The following PNPT1 variants were observed in gnomAD, a reference collection of about 807,000 sequenced individuals.
PNPT1 encodes the protein polyribonucleotide nucleotidyltransferase 1, mitochondrial.
Under a neutral mutation model 119.5 loss-of-function variants are expected in PNPT1, and 53 were observed. The ratio of observed to expected loss-of-function variants is 0.44; its 90% CI spans 0.36 to 0.56. The LOEUF (loss-of-function observed/expected upper bound fraction) is 0.56. Ranked by LOEUF, PNPT1 falls within the 20% of genes least tolerant of loss-of-function variation. PNPT1 has a pLI of 0.00. For synonymous variants in PNPT1, 357 were observed against 322.1 expected (o/e 1.11, Z -1.16); for missense variants, 948 against 938.5 (o/e 1.01, Z -0.13).
chr2:55,636,919 A>T lies in PNPT1; in HGVS notation c.2197-527T>A, dbSNP rs534723892. Among the ~76,000 whole-genome samples, 5 of 152,330 alleles carry T rather than the reference A, an allele frequency of 3.3e-5. No individual in the cohort carries two copies. In the East Asian group the frequency reaches 9.6e-4, roughly 29 times the overall value. Reference sequence around the variant, plus strand: ...ACAAATAAACCAAAAAATCAACCTTATACAGAGATACTATATCTTAGCACT... The same window carrying T: ...ACAAATAAACCAAAAAATCAACCTTTTACAGAGATACTATATCTTAGCACT... On this transcript the variant is annotated intron_variant, in intron 27 of 27. Transcript: ENST00000447944.
chr2:55,677,618 A>AAAG (rs1397631834), intron 8 of PNPT1, among the ~76,000 whole-genome samples: 1 of 150,726 alleles, frequency 6.6e-6, no homozygotes, highest in East Asian at 1.9e-4. Flanking sequence ...AAAAAAAAAA[A>AAAG]AAAAGATTAT....
At position 55,640,695 on chromosome 2, in the gene PNPT1, C is replaced by T. The variant is rs1465207908; in HGVS notation, c.2080G>A (p.Val694Ile). ...ATITEIRDTG[V>I]MVKLYPNMTA... Reference sequence around the variant, plus strand: ...ATATTTGGATATAATTTTACCATTACACCAGTATCTCTACAAAAAAATAAA... The same window carrying T: ...ATATTTGGATATAATTTTACCATTATACCAGTATCTCTACAAAAAAATAAA... Residue 694 changes from valine to isoleucine, a missense_variant, in exon 26 of 28, where the codon GTA becomes ATA. Transcript: ENST00000447944. 1 of 1,572,002 alleles carries T rather than the reference C, an allele frequency of 6.4e-7. No homozygotes were observed. Among genetic ancestry groups the T allele is most frequent in the South Asian group, 1.1e-5 (1 of 90,100 alleles).
chr2:55,656,465 G>C, intron 15 of PNPT1, 94 bp from the exon 16 acceptor site: 2 of 1,139,428 alleles, frequency 1.8e-6, no homozygotes, highest in Non-Finnish European at 2.5e-6. Flanking sequence ...TTATAGAACA[G>C]TAGAATCTCA....
chr2:55,689,910 C>A (rs1330856435), intron 1 of PNPT1, among the ~76,000 whole-genome samples: 1 of 152,202 alleles, frequency 6.6e-6, no homozygotes, highest in East Asian at 1.9e-4. Context: ...CAGCCTTGAC[C>A]TCCCAGGCTC....
At chr2:55,676,920 G>C (rs897028110) in intron 8 of PNPT1, among the ~76,000 whole-genome samples, 9 of 151,864 alleles carry the variant, frequency 5.9e-5, no homozygotes, top group African/African-American at 2.2e-4. Flanking sequence ...TAATGAAATA[G>C]TAGCAATTAC....
chr2:55,653,766 A>T (rs1428672346), intron 18 of PNPT1, among the ~76,000 whole-genome samples: 2 of 152,178 alleles, frequency 1.3e-5, no homozygotes, highest in Non-Finnish European at 1.5e-5. Context: ...TTTCTAGATA[A>T]TATTATTATA....
chr2:55,685,153 C>CAA (rs1480173590), intron 3 of PNPT1, 105 bp from the exon 4 acceptor site: 6 of 713,516 alleles, frequency 8.4e-6, no homozygotes, highest in Non-Finnish European at 1.2e-5. Flanking sequence ...AGTCTAGACT[C>CAA]AGAGTAGAAA....
At chr2:55,681,479 T>C (rs1697246907) in intron 5 of PNPT1, among the ~76,000 whole-genome samples, 1 of 151,950 alleles carries the variant, frequency 6.6e-6, no homozygotes. Flanking sequence ...ATAAATACGG[T>C]AGGTAAAGCA....
At chr2:55,645,508 G>T in intron 21 of PNPT1, 76 bp from the exon 22 acceptor site, 3 of 945,638 alleles carry the variant, frequency 3.2e-6, no homozygotes, top group African/African-American at 1.7e-5. Context: ...TAGTTTTCAC[G>T]GTATACAATC....
At position 55,680,760 on chromosome 2, in the gene PNPT1, CT is replaced by C. The variant is rs1697223325; in HGVS notation, c.518-2del. The C allele has an allele frequency of 4.3e-6, 7 of 1,613,410 alleles. No homozygotes were observed. Among genetic ancestry groups the C allele is most frequent in the Non-Finnish European group, 5.9e-6 (7 of 1,179,818 alleles). ...TCTGATAATGAGAGGGCTACGGAAGCTTAAAAAAGGAGAAAAATCAGGGCCG... is the reference window on the plus strand; with the variant it reads ...TCTGATAATGAGAGGGCTACGGAAGCTAAAAAAGGAGAAAAATCAGGGCCG... On this transcript the variant is annotated splice_acceptor_variant, in intron 6 of 27. Coordinates refer to ENST00000447944, the MANE Select transcript of PNPT1 (RefSeq NM_033109.5). LOFTEE classifies it high-confidence loss of function.
At chr2:55,658,475 T>C (rs750906446) in intron 15 of PNPT1, among the ~76,000 whole-genome samples, 24 of 152,180 alleles carry the variant, frequency 1.6e-4, no homozygotes, top group Non-Finnish European at 3.2e-4. Flanking sequence ...ATATTTGCCT[T>C]ATAAAAATGT....
chr2:55,692,049 C>A (rs1343323621), intron 1 of PNPT1, among the ~76,000 whole-genome samples: 1 of 151,514 alleles, frequency 6.6e-6, no homozygotes, highest in Non-Finnish European at 1.5e-5. Flanking sequence ...CCACGCCCAG[C>A]TAATTTTGTA....
intron 13 of PNPT1, among the ~76,000 whole-genome samples, chr2:55,664,159 G>A (rs912378764): frequency 1.2e-4 from 19 of 152,212 alleles, no homozygotes; most frequent in Non-Finnish European, 1.9e-4. Context: ...TAAAATACAT[G>A]ATTGTATGAA....
intron 15 of PNPT1, among the ~76,000 whole-genome samples, chr2:55,658,954 C>A (rs894134295): frequency 3.9e-5 from 6 of 152,114 alleles, no homozygotes; most frequent in African/African-American, 1.4e-4. Context: ...ATGTTGTATT[C>A]TTTTTCTTTT....
chr2:55,667,766 GA>G (rs965563611), intron 12 of PNPT1, 95 bp downstream of exon 12: 47 of 1,457,142 alleles, frequency 3.2e-5, no homozygotes, highest in African/African-American at 4.4e-5. Flanking sequence ...CTGTTCACTT[GA>G]AAAAAAACAA....
At chr2:55,672,514 T>TAA (rs1696946077) in intron 9 of PNPT1, among the ~76,000 whole-genome samples, 1 of 152,278 alleles carries the variant, frequency 6.6e-6, no homozygotes, top group Non-Finnish European at 1.5e-5. Context: ...TTACTGAGTG[T>TAA]CTGCCTAACG....
chr2:55,664,901 T>C (rs1211036418), intron 13 of PNPT1, among the ~76,000 whole-genome samples: 1 of 152,094 alleles, frequency 6.6e-6, no homozygotes, highest in Non-Finnish European at 1.5e-5. Flanking sequence ...CAGATTAATA[T>C]AAAAATTTAG....
chr2:55,650,413 G>A (rs1247421901), intron 18 of PNPT1, among the ~76,000 whole-genome samples: 1 of 152,216 alleles, frequency 6.6e-6, no homozygotes, highest in Non-Finnish European at 1.5e-5. Context: ...CTGAGGTGCC[G>A]GGATTGCAGA....
At chr2:55,646,190 TA>T in intron 21 of PNPT1, 68 bp downstream of exon 21, 1 of 1,388,788 alleles carries the variant, frequency 7.2e-7, no homozygotes, top group Non-Finnish European at 1.0e-6. Flanking sequence ...ATAATAAGCC[TA>T]ATGAGAACTA....
Sources: gnomAD v4.1 joint callset for allele counts (sites outside exome capture counted in the v4.1 genomes callset) on GRCh38, gnomAD v4.1.1 for gene constraint, MANE v1.5 for transcripts, NCBI Gene and HGNC (gene_info 2026-07-23, HGNC 2026-07-21) for gene names.